Variants in EGFR observed in about 807,000 individuals in gnomAD.
EGFR encodes the protein epidermal growth factor receptor, also known as avian erythroblastic leukemia viral (v-erb-b) oncogene homolog.
A neutral mutation model predicts 143.0 loss-of-function variants in EGFR; 58 were observed. The observed-to-expected ratio is 0.41, with a 90% CI of 0.33 to 0.50. The LOEUF (loss-of-function observed/expected upper bound fraction) is 0.50, where lower values mean the gene tolerates loss of function less well. EGFR is among the 20% of genes least tolerant of loss of function. The pLI is 0.39. For synonymous variants in EGFR, 613 were observed against 594.4 expected (o/e 1.03, Z -0.45); for missense variants, 1,307 against 1,579.0 (o/e 0.83, Z 2.92).
intron 1 of EGFR, among the ~76,000 whole-genome samples, chr7:55,134,531 C>A (rs769882467): frequency 1.3e-5 from 2 of 152,250 alleles, no homozygotes; most frequent in Non-Finnish European, 2.9e-5. Flanking sequence ...GCAAAGGGTG[C>A]TGCCCGGCAC....
intron 1 of EGFR, among the ~76,000 whole-genome samples, chr7:55,084,350 G>A (rs776375929): frequency 2.6e-5 from 4 of 152,170 alleles, no homozygotes; most frequent in Non-Finnish European, 5.9e-5. Flanking sequence ...TAGCATGGCC[G>A]CCTGCTTCTC....
rs1789615463 is a variant in EGFR, at chr7:55,068,055, T to C, written c.88+48690T>C. Among the ~76,000 whole-genome samples, 2 of 143,384 alleles carry C rather than the reference T, an allele frequency of 1.4e-5. 1 individual carries two copies. The highest frequency in any genetic ancestry group is 5.6e-5 in the African/African-American group (2 of 35,802). 94.1% of individuals were successfully genotyped at this position (143,384 alleles called of 152,430 possible). A position where few individuals can be genotyped will look rare whatever the true frequency, so the allele number is the denominator to read the frequency against. ...GTGTATATGTGTATGTGTGTACATGTATGTACGCGTGTGCATACGTGTGTG... is the reference window on the plus strand; with the variant it reads ...GTGTATATGTGTATGTGTGTACATGCATGTACGCGTGTGCATACGTGTGTG... On this transcript the variant is annotated intron_variant, in intron 1 of 27. Coordinates refer to ENST00000275493, the MANE Select transcript of EGFR (RefSeq NM_005228.5).
rs936088078 is a variant in EGFR at position 55,210,748 on chromosome 7, A to C, written c.*5131A>C. 2 of 152,032 alleles carry C rather than the reference A, an allele frequency of 1.3e-5. No homozygotes were observed. Among genetic ancestry groups the C allele is most frequent in the African/African-American group, 4.8e-5 (2 of 41,374 alleles). 9.4% of individuals were successfully genotyped at this position (152,032 alleles called of 1,614,324 possible). A position where few individuals can be genotyped will look rare whatever the true frequency, so the allele number is the denominator to read the frequency against. On this transcript the variant is annotated 3_prime_UTR_variant, in exon 28 of 28. Transcript: ENST00000275493. ...AAAGCAAAGGAAATATAAAACAGAC[A>C]CCTCTTTCCATTTCCTAAGGTTTCT...
At chr7:55,135,303 G>A (rs1310218501) in intron 1 of EGFR, among the ~76,000 whole-genome samples, 1 of 151,680 alleles carries the variant, frequency 6.6e-6, no homozygotes, top group Non-Finnish European at 1.5e-5. Flanking sequence ...AGATACATGA[G>A]TTTGCAGCTG....
At chr7:55,185,432 T>A (rs1253268505) in intron 20 of EGFR, among the ~76,000 whole-genome samples, 1 of 152,146 alleles carries the variant, frequency 6.6e-6, no homozygotes, top group African/African-American at 2.4e-5. Flanking sequence ...AGCTAGTAAA[T>A]CCCAGAATAA....
chr7:55,059,933 C>T (rs1789071435), intron 1 of EGFR, among the ~76,000 whole-genome samples: 2 of 152,136 alleles, frequency 1.3e-5, no homozygotes, highest in South Asian at 4.2e-4. Flanking sequence ...GGGCTGGAGA[C>T]ACAGAGACCC....
intron 1 of EGFR, among the ~76,000 whole-genome samples, chr7:55,132,393 A>T (rs77417742): frequency 6.6e-6 from 1 of 152,208 alleles, no homozygotes. Flanking sequence ...TTTCTTACAG[A>T]TAACTATGAA....
Position 55,019,342 on chromosome 7 carries a change from G to A in EGFR, c.65G>A (p.Ser22Asn), listed in dbSNP as rs1257423707. 2 of 1,516,650 alleles carry A rather than the reference G, an allele frequency of 1.3e-6. No individual in the cohort carries two copies. Among genetic ancestry groups the A allele is most frequent in the East Asian group, 2.8e-5 (1 of 35,864 alleles). The allele number at this position is 1,516,650 out of a possible 1,614,324, so 93.9% of individuals were successfully genotyped here. Residue 22 changes from serine to asparagine, a missense_variant, in exon 1 of 28, where the codon AGT becomes AAT. Ser to Asn is a conservative substitution (Grantham distance 46, BLOSUM62 1). This residue lies in a region of EGFR where 65 missense variants were observed against 37.8 expected (regional missense o/e 1.72). Transcript: ENST00000275493. ...CTGCTGGCTGCGCTCTGCCCGGCGAGTCGGGCTCTGGAGGAAAAGAAAGGT... is the reference window on the plus strand; with the variant it reads ...CTGCTGGCTGCGCTCTGCCCGGCGAATCGGGCTCTGGAGGAAAAGAAAGGT... ...LALLAALCPA[S>N]RALEEKKVCQ... is the part of the protein sequence containing the mutation.
In EGFR at chr7:55,198,792, T is replaced by C. The variant is rs767507216; in HGVS notation, c.2777T>C (p.Ile926Thr). ...DGIPASEISSILEKGERLPQP... is the reference protein window; with the variant it reads ...DGIPASEISSTLEKGERLPQP... Reference sequence around the variant, plus strand: ...ATCCCTGCCAGCGAGATCTCCTCCATCCTGGAGAAAGGAGAACGCCTCCCT... The same window carrying C: ...ATCCCTGCCAGCGAGATCTCCTCCACCCTGGAGAAAGGAGAACGCCTCCCT... The change falls in exon 23 of 28, where the codon ATC becomes ACC. Residue 926 changes from isoleucine to threonine, a missense_variant. Physicochemically the swap from Ile to Thr is moderately conservative, Grantham distance 89. Transcript: ENST00000275493. 2 of 1,614,222 alleles carry C rather than the reference T, an allele frequency of 1.2e-6. No homozygotes were observed. Among genetic ancestry groups the C allele is most frequent in the South Asian group, 1.1e-5 (1 of 91,092 alleles).
At chr7:55,152,777 C>T (rs1584169139) in intron 6 of EGFR, 113 bp downstream of exon 6, 3 of 863,154 alleles carry the variant, frequency 3.5e-6, no homozygotes, top group African/African-American at 3.3e-5. Context: ...TTTGTCATAA[C>T]AGACAGGATA....
At position 55,184,178 on chromosome 7, in the gene EGFR, T is replaced by A. The variant is rs143474163; in HGVS notation, c.2469+2700T>A. ...TCTTTCTGGGAGGTAGGGAGGGCAG[T>A]GAGCCCCTTCGCATCGCCCACCACA... On this transcript the variant is annotated intron_variant, in intron 20 of 27. Coordinates refer to ENST00000275493, the MANE Select transcript of EGFR (RefSeq NM_005228.5). Among the ~76,000 whole-genome samples, 472 of 152,356 alleles carry A rather than the reference T, an allele frequency of 3.1e-3. 2 individuals carry two copies. Among genetic ancestry groups the A allele is most frequent in the South Asian group, 6.8e-3 (33 of 4,824 alleles).
intron 19 of EGFR, among the ~76,000 whole-genome samples, chr7:55,175,273 T>C (rs765969415): frequency 3.9e-5 from 6 of 152,236 alleles, no homozygotes; most frequent in Non-Finnish European, 8.8e-5. Flanking sequence ...ATCTTTGAAA[T>C]GGCTTTTTTT....
chr7:55,143,331 C>T lies in EGFR; in HGVS notation c.267C>T (p.Val89=), dbSNP rs2128927226. Residue 89 remains valine, a synonymous_variant, in exon 3 of 28, where the codon GTC becomes GTT. Transcript: ENST00000275493. ...LKTIQEVAGY[V]LIALNTVERI... ...CCATCCAGGAGGTGGCTGGTTATGT[C>T]CTCATTGCCCTCAACACAGTGGAGC... is the stretch of plus-strand genomic sequence containing the variant. The T allele has an allele frequency of 1.2e-6, 2 of 1,614,216 alleles. No homozygotes were observed. Among genetic ancestry groups the T allele is most frequent in the Non-Finnish European group, 1.7e-6 (2 of 1,180,038 alleles).
intron 19 of EGFR, among the ~76,000 whole-genome samples, chr7:55,176,103 C>T (rs765981299): frequency 3.3e-5 from 5 of 152,218 alleles, no homozygotes; most frequent in Non-Finnish European, 7.3e-5. Flanking sequence ...CTTTCACTTA[C>T]AATCTCTGGC....
At chr7:55,157,861 C>A in intron 11 of EGFR, 108 bp downstream of exon 11, 1 of 1,099,994 alleles carries the variant, frequency 9.1e-7, no homozygotes, top group Non-Finnish European at 1.4e-6. Flanking sequence ...CTGCATCTCT[C>A]GCCGGCATTC....
At chr7:55,080,859 TGTC>T (rs1790426420) in intron 1 of EGFR, among the ~76,000 whole-genome samples, 1 of 152,168 alleles carries the variant, frequency 6.6e-6, no homozygotes, top group Non-Finnish European at 1.5e-5. Context: ...GTTATTCACT[TGTC>T]GTGGATGTGG....
chr7:55,164,400 A>G (rs867048009), intron 14 of EGFR, among the ~76,000 whole-genome samples: 4 of 152,246 alleles, frequency 2.6e-5, no homozygotes, highest in African/African-American at 9.6e-5. Flanking sequence ...TTCAACAGCC[A>G]GTTCTAAATC....
At chr7:55,187,960 C>G (rs958536686) in intron 20 of EGFR, among the ~76,000 whole-genome samples, 1 of 152,204 alleles carries the variant, frequency 6.6e-6, no homozygotes, top group African/African-American at 2.4e-5. Flanking sequence ...CCAAGAGTGT[C>G]TGGCCTTGCC....
intron 10 of EGFR, 144 bp downstream of exon 10, chr7:55,156,976 A>G: frequency 6.6e-7 from 1 of 1,519,954 alleles, no homozygotes; most frequent in Non-Finnish European, 8.8e-7. Context: ...ATATTTTTCA[A>G]AAGTGCAGTT....
Sources: gnomAD v4.1 joint callset for allele counts (sites outside exome capture counted in the v4.1 genomes callset) on GRCh38, gnomAD v4.1.1 for gene constraint, gnomAD v4.1.1 regional missense constraint, MANE v1.5 for transcripts, NCBI Gene and HGNC (gene_info 2026-07-23, HGNC 2026-07-21) for gene names.